FNDC3A: variants seen among roughly 807,000 people sequenced by gnomAD.
The protein encoded by FNDC3A is fibronectin type-III domain-containing protein 3A.
Under a neutral mutation model 148.9 loss-of-function variants are expected in FNDC3A, and 32 were observed. The ratio of observed to expected loss-of-function variants is 0.21; its 90% confidence interval spans 0.16 to 0.29. The LOEUF is 0.29. FNDC3A is among the 10% of genes least tolerant of loss of function. The pLI is 1.00. For synonymous variants in FNDC3A, 472 were observed against 473.6 expected, an observed-to-expected ratio of 1.00 and a Z score of 0.04; for missense variants, 1,191 against 1,452.8, an observed-to-expected ratio of 0.82 and a Z score of 2.93.
At position 49,209,482 on chromosome 13, in the gene FNDC3A, A is replaced by C. The variant is rs1197577058; in HGVS notation, c.*2087A>C. 6.6e-6 allele frequency: 1 copy of C among 152,656 alleles called. No individual in the cohort carries two copies. The highest frequency in any genetic ancestry group is 1.5e-5 in the Non-Finnish European group (1 of 68,022). 9.5% of individuals were successfully genotyped at this position (152,656 alleles called of 1,614,324 possible). A position where few individuals can be genotyped will look rare whatever the true frequency, so the allele number is the denominator to read the frequency against. ...CAAACATATCACCTTAAAATTGTAT[A>C]AGGCTGAATGAACTTCATACAAATG... On this transcript the variant is annotated 3_prime_UTR_variant, in exon 26 of 26. Coordinates refer to ENST00000492622, the MANE Select transcript of FNDC3A (RefSeq NM_001079673.2).
intron 2 of FNDC3A, among the ~76,000 whole-genome samples, chr13:49,073,366 TAGAC>T (rs1877835663): frequency 6.6e-6 from 1 of 151,922 alleles, no homozygotes; most frequent in African/African-American, 2.4e-5. Flanking sequence ...GTAACAAACT[TAGAC>T]ATAACAATCA....
chr13:49,110,992 G>T (rs562792544), intron 3 of FNDC3A, among the ~76,000 whole-genome samples: 129 of 152,232 alleles, frequency 8.5e-4, no homozygotes, highest in Non-Finnish European at 1.4e-3. Flanking sequence ...CTCCATGATT[G>T]GGGTAAATCA....
intron 2 of FNDC3A, chr13:49,044,255 C>T: frequency 5.0e-6 from 1 of 200,924 alleles, no homozygotes; most frequent in Non-Finnish European, 1.1e-5. Flanking sequence ...AAGCTGTCCT[C>T]CATTAAGCTG....
chr13:49,089,742 G>A (rs1325646214), intron 3 of FNDC3A, among the ~76,000 whole-genome samples: 1 of 152,102 alleles, frequency 6.6e-6, no homozygotes, highest in Non-Finnish European at 1.5e-5. Flanking sequence ...CCTAGTTCAC[G>A]CTTCTTTTTT....
intron 2 of FNDC3A, among the ~76,000 whole-genome samples, chr13:49,008,428 CCA>C (rs774576039): frequency 2.3e-4 from 34 of 149,652 alleles, no homozygotes; most frequent in Non-Finnish European, 4.2e-4. Flanking sequence ...GCCTGTTTAA[CCA>C]CAGACTAAAA....
intron 4 of FNDC3A, among the ~76,000 whole-genome samples, chr13:49,115,679 T>C (rs1460839780): frequency 6.6e-6 from 1 of 152,250 alleles, no homozygotes; most frequent in Non-Finnish European, 1.5e-5. Context: ...TCAGTCTCAG[T>C]GCCTTCATTA....
intron 6 of FNDC3A, among the ~76,000 whole-genome samples, chr13:49,138,380 T>G (rs1882502350): frequency 6.6e-6 from 1 of 152,110 alleles, no homozygotes; most frequent in African/African-American, 2.4e-5. Context: ...GAAAAAATAG[T>G]TAACTTTATT....
chr13:49,174,801 T>C (rs746251676), intron 12 of FNDC3A, among the ~76,000 whole-genome samples: 9 of 152,198 alleles, frequency 5.9e-5, no homozygotes, highest in Non-Finnish European at 1.0e-4. Flanking sequence ...GATTTTTATA[T>C]GTGACAAAGA....
chr13:49,058,692 G>A lies in FNDC3A; in HGVS notation c.100-16597G>A, dbSNP rs529517518. Among the ~76,000 whole-genome samples, 4 of 152,220 alleles carry A rather than the reference G, an allele frequency of 2.6e-5. No individual in the cohort carries two copies. In the South Asian group the frequency reaches 6.2e-4, roughly 24 times the overall value. ...TCTAGCTTCAGAACTATGAGAAAAC[G>A]AATTTATATTGTTTAAGTCACCCAA... On this transcript the variant is annotated intron_variant, in intron 2 of 25. Transcript: ENST00000492622.
chr13:49,118,688 C>A (rs1881127724), intron 4 of FNDC3A, among the ~76,000 whole-genome samples: 1 of 152,200 alleles, frequency 6.6e-6, no homozygotes, highest in South Asian at 2.1e-4. Context: ...TCTGCCATTA[C>A]TGAGGCTTGA....
At chr13:49,158,729 C>G (rs1883890028) in intron 8 of FNDC3A, among the ~76,000 whole-genome samples, 1 of 152,148 alleles carries the variant, frequency 6.6e-6, no homozygotes, top group South Asian at 2.1e-4. Context: ...CTAGGTTTTT[C>G]TTCTAGGGTT....
At chr13:49,175,295 A>G (rs1475344211) in intron 12 of FNDC3A, 72 bp from the exon 13 acceptor site, 3 of 1,068,080 alleles carry the variant, frequency 2.8e-6, no homozygotes, top group Admixed American at 3.0e-5. Context: ...AAAAAATTAC[A>G]TCTGTCACAA....
chr13:49,157,594 G>C (rs1035170800), intron 8 of FNDC3A, among the ~76,000 whole-genome samples: 5 of 151,334 alleles, frequency 3.3e-5, no homozygotes, highest in Admixed American at 6.6e-5. Flanking sequence ...GAGGAGAGGT[G>C]CTCTGCGTTT....
At chr13:49,021,836 T>A (rs1399696935) in intron 2 of FNDC3A, among the ~76,000 whole-genome samples, 3 of 152,192 alleles carry the variant, frequency 2.0e-5, no homozygotes, top group Admixed American at 6.5e-5. Context: ...TGCAGTATGA[T>A]CAGAGTAGGG....
chr13:49,147,891 T>C (rs577369384), intron 8 of FNDC3A, among the ~76,000 whole-genome samples: 11 of 152,318 alleles, frequency 7.2e-5, no homozygotes, highest in African/African-American at 2.6e-4. Context: ...CACCAGCATC[T>C]GTTATTTTTT....
chr13:49,041,437 T>G (rs1874921848), intron 2 of FNDC3A, among the ~76,000 whole-genome samples: 1 of 152,236 alleles, frequency 6.6e-6, no homozygotes, highest in South Asian at 2.1e-4. Flanking sequence ...AGTAACTGAT[T>G]GTTGAATGAA....
intron 3 of FNDC3A, among the ~76,000 whole-genome samples, chr13:49,089,193 C>T (rs1159834484): frequency 1.3e-5 from 2 of 152,142 alleles, no homozygotes; most frequent in Non-Finnish European, 2.9e-5. Flanking sequence ...CAAGTTTTAT[C>T]TGTATTTTAC....
chr13:48,993,321 T>G (rs1432368652), intron 1 of FNDC3A, among the ~76,000 whole-genome samples: 1 of 152,224 alleles, frequency 6.6e-6, no homozygotes, highest in East Asian at 1.9e-4. Context: ...TGTGATTTAC[T>G]GGGCCCCACC....
chr13:49,153,039 T>C (rs1300637209), intron 8 of FNDC3A, among the ~76,000 whole-genome samples: 4 of 151,782 alleles, frequency 2.6e-5, no homozygotes, highest in Admixed American at 6.6e-5. Context: ...TACCCAGTAA[T>C]GGGATGGCTG....
Sources: gnomAD v4.1 joint callset for allele counts (sites outside exome capture counted in the v4.1 genomes callset) on GRCh38, gnomAD v4.1.1 for gene constraint, MANE v1.5 for transcripts, NCBI Gene and HGNC (gene_info 2026-07-23, HGNC 2026-07-21) for gene names.